Variants in SOX5 observed in about 807,000 individuals in gnomAD.
SOX5 encodes transcription factor SOX-5.
Under a neutral mutation model 92.0 loss-of-function variants are expected in SOX5, and 9 were observed. The ratio of observed to expected loss-of-function variants is 0.10; its 90% CI spans 0.06 to 0.17. The LOEUF (loss-of-function observed/expected upper bound fraction) is 0.17, where lower values mean the gene tolerates loss of function less well. Ranked by LOEUF, SOX5 falls within the 10% of genes least tolerant of loss-of-function variation. The pLI is 1.00. For missense variants in SOX5, 642 were observed against 944.5 expected, an observed-to-expected ratio of 0.68 and a Z score of 4.20; for synonymous variants, 344 against 336.3, an observed-to-expected ratio of 1.02 and a Z score of -0.25.
chr12:24,278,615 G>A (rs1018262620), intron 2 of SOX5, among the ~76,000 whole-genome samples: 11 of 152,016 alleles, frequency 7.2e-5, no homozygotes, highest in African/African-American at 2.7e-4. Flanking sequence ...GGAGAATGAG[G>A]TGAGAGGACT....
intron 6 of SOX5, among the ~76,000 whole-genome samples, chr12:23,700,354 C>A (rs2090455716): frequency 6.6e-6 from 1 of 152,126 alleles, no homozygotes. Context: ...TGTTAGCTTA[C>A]AGTGTCGTAG....
At position 23,851,592 on chromosome 12, in the gene SOX5, T is replaced by C. The variant is rs1168341221; in HGVS notation, c.271-5399A>G. Among the ~76,000 whole-genome samples the C allele has an allele frequency of 3.3e-5, 5 of 152,250 alleles. No individual in the cohort carries two copies. The East Asian group carries it at 7.7e-4, about 24-fold the overall frequency. ...TGAAGAGTGTTTGTTATAGTAATGATTATGGATCAAGTCATCCAATTTAAA... is the reference window on the plus strand; with the variant it reads ...TGAAGAGTGTTTGTTATAGTAATGACTATGGATCAAGTCATCCAATTTAAA... On this transcript the variant is annotated intron_variant, in intron 2 of 14. Coordinates refer to ENST00000451604, the MANE Select transcript of SOX5 (RefSeq NM_006940.6).
At chr12:23,714,167 C>G (rs962587211) in intron 6 of SOX5, among the ~76,000 whole-genome samples, 12 of 151,478 alleles carry the variant, frequency 7.9e-5, no homozygotes, top group Non-Finnish European at 1.8e-4. Flanking sequence ...TGTTTGGTAT[C>G]TGTATGATAT....
chr12:24,449,761 ATAAT>A (rs1387460469), intron 1 of SOX5, among the ~76,000 whole-genome samples: 1 of 152,226 alleles, frequency 6.6e-6, no homozygotes, highest in African/African-American at 2.4e-5. Flanking sequence ...CTTCTAAAAT[ATAAT>A]TAACAGTAAG....
chr12:24,059,249 G>T (rs939631322), intron 4 of SOX5, among the ~76,000 whole-genome samples: 1 of 151,798 alleles, frequency 6.6e-6, no homozygotes, highest in African/African-American at 2.4e-5. Context: ...CTGTGTTTTT[G>T]ATAGAAAATC....
At chr12:23,771,310 AAAG>A (rs911694294) in intron 3 of SOX5, among the ~76,000 whole-genome samples, 6 of 152,244 alleles carry the variant, frequency 3.9e-5, no homozygotes, top group Admixed American at 3.9e-4. Flanking sequence ...GACATTTTGC[AAAG>A]GAGGGGAGTA....
At chr12:24,041,524 A>G (rs1444489764) in intron 4 of SOX5, among the ~76,000 whole-genome samples, 1 of 152,182 alleles carries the variant, frequency 6.6e-6, no homozygotes, top group Admixed American at 6.5e-5. Context: ...ACAATATAAT[A>G]CCATAACTAC....
At chr12:23,980,133 T>G (rs1949435212) in intron 4 of SOX5, among the ~76,000 whole-genome samples, 1 of 152,144 alleles carries the variant, frequency 6.6e-6, no homozygotes, top group Admixed American at 6.6e-5. Context: ...ATGAGTTTTT[T>G]TAGCACTTGC....
intron 4 of SOX5, among the ~76,000 whole-genome samples, chr12:24,077,602 C>T (rs1942784180): frequency 6.6e-6 from 1 of 151,558 alleles, no homozygotes; most frequent in Non-Finnish European, 1.5e-5. Flanking sequence ...TCATCATACA[C>T]AAAATCAATA....
At chr12:24,510,990 T>C (rs1262709031) in intron 1 of SOX5, among the ~76,000 whole-genome samples, 1 of 152,334 alleles carries the variant, frequency 6.6e-6, no homozygotes, top group Non-Finnish European at 1.5e-5. Flanking sequence ...AATAATGACT[T>C]GCTTCACATA....
At chr12:23,824,749 G>A (rs749333343) in intron 3 of SOX5, among the ~76,000 whole-genome samples, 6 of 152,138 alleles carry the variant, frequency 3.9e-5, no homozygotes, top group Non-Finnish European at 5.9e-5. Context: ...TAAGCCCCTC[G>A]CTGGGCCTGC....
At chr12:24,126,616 T>C (rs1202623942) in intron 4 of SOX5, among the ~76,000 whole-genome samples, 1 of 152,220 alleles carries the variant, frequency 6.6e-6, no homozygotes, top group Non-Finnish European at 1.5e-5. Flanking sequence ...AATGATGAAA[T>C]AAGCCACAGA....
At chr12:24,344,281 C>CAAAAAAAAAAAA (rs61660537) in intron 2 of SOX5, among the ~76,000 whole-genome samples, 3 of 104,326 alleles carry the variant, frequency 2.9e-5, no homozygotes, top group African/African-American at 1.1e-4. Flanking sequence ...GACTCTGTCT[C>CAAAAAAAAAAAA]AAAAAAAAAA....
At chr12:23,673,786 G>A (rs1450319372) in intron 6 of SOX5, among the ~76,000 whole-genome samples, 1 of 152,056 alleles carries the variant, frequency 6.6e-6, no homozygotes, top group East Asian at 1.9e-4. Flanking sequence ...GGGGACACAG[G>A]TAATGGGTAT....
At chr12:23,612,230 T>C (rs537334904) in intron 8 of SOX5, among the ~76,000 whole-genome samples, 5 of 152,226 alleles carry the variant, frequency 3.3e-5, no homozygotes, top group South Asian at 4.1e-4. Context: ...GTAAAATTTA[T>C]TGATATACAT....
At chr12:24,233,603 C>G (rs1963855116) in intron 3 of SOX5, among the ~76,000 whole-genome samples, 1 of 152,236 alleles carries the variant, frequency 6.6e-6, no homozygotes, top group Non-Finnish European at 1.5e-5. Context: ...AATCTACCCA[C>G]ACAGTTGTCT....
At chr12:24,115,595 G>A (rs182330122) in intron 4 of SOX5, among the ~76,000 whole-genome samples, 1 of 152,286 alleles carries the variant, frequency 6.6e-6, no homozygotes, top group African/African-American at 2.4e-5. Flanking sequence ...TAGAATATGT[G>A]AGAAGCCAGA....
At chr12:23,556,448 C>A (rs1945194159) in intron 11 of SOX5, among the ~76,000 whole-genome samples, 1 of 152,060 alleles carries the variant, frequency 6.6e-6, no homozygotes, top group South Asian at 2.1e-4. Context: ...ATATTAATCA[C>A]TTGTGTTATT....
At chr12:23,721,971 G>T (rs1485210005) in intron 6 of SOX5, among the ~76,000 whole-genome samples, 1 of 152,186 alleles carries the variant, frequency 6.6e-6, no homozygotes, top group Non-Finnish European at 1.5e-5. Flanking sequence ...AGAGAGCATG[G>T]TGTTCACAGG....
Sources: allele counts gnomAD v4.1 joint callset (sites outside exome capture counted in the v4.1 genomes callset), GRCh38; gene constraint gnomAD v4.1.1; transcripts MANE v1.5; gene names NCBI Gene and HGNC (gene_info 2026-07-23, HGNC 2026-07-21).